CD44: variants seen among roughly 807,000 people sequenced by gnomAD.
CD44 encodes the protein CD44 molecule (IN blood group), also known as CD44 antigen.
A neutral mutation model predicts 88.8 loss-of-function variants in CD44; 49 were observed. That is an observed-to-expected ratio of 0.55 (90% CI 0.44 to 0.70). CD44 has a LOEUF of 0.70. CD44 is among the 30% of genes least tolerant of loss of function. The pLI is 0.00. For synonymous variants in CD44, 325 were observed against 312.3 expected, an observed-to-expected ratio of 1.04 and a Z score of -0.43; for missense variants, 883 against 913.8, an observed-to-expected ratio of 0.97 and a Z score of 0.43.
At chr11:35,171,751 C>G (rs1291282297) in intron 1 of CD44, among the ~76,000 whole-genome samples, 1 of 152,034 alleles carries the variant, frequency 6.6e-6, no homozygotes, top group African/African-American at 2.4e-5. Context: ...ACTGAGGGTC[C>G]TGGGAATTTA....
intron 9 of CD44, 39 bp downstream of exon 9, chr11:35,201,826 A>G: frequency 2.5e-6 from 4 of 1,605,676 alleles, no homozygotes; most frequent in Non-Finnish European, 3.4e-6. Context: ...GGTTAGATGA[A>G]TTAGTAAAGA....
chr11:35,222,674 CAG>C (rs1949402820), intron 17 of CD44: 1 of 891,014 alleles, frequency 1.1e-6, no homozygotes, highest in Non-Finnish European at 1.3e-6. Flanking sequence ...TGACCTTTAA[CAG>C]GGGTATAAAT....
In CD44 at chr11:35,229,542, C is replaced by A; in HGVS notation, c.*209C>A. On this transcript the variant is annotated 3_prime_UTR_variant, in exon 18 of 18. Coordinates refer to ENST00000428726, the MANE Select transcript of CD44 (RefSeq NM_000610.4). ...CAGCATTGCTTTCTGAAATTAGGGC[C>A]CAATTAATAATCAGCAAGAATTTGA... 1.8e-6 allele frequency: 1 copy of A among 544,250 alleles called. No homozygotes were observed. The highest frequency in any genetic ancestry group is 3.3e-6 in the Non-Finnish European group (1 of 305,992). 33.7% of individuals were successfully genotyped at this position (544,250 alleles called of 1,614,324 possible).
chr11:35,202,527 A>C (rs1947413742), intron 9 of CD44, among the ~76,000 whole-genome samples: 1 of 152,204 alleles, frequency 6.6e-6, no homozygotes, highest in African/African-American at 2.4e-5. Context: ...TTGGAATAAA[A>C]GTATTTATTT....
chr11:35,194,548 T>C (rs918282680), intron 5 of CD44, among the ~76,000 whole-genome samples: 1 of 152,208 alleles, frequency 6.6e-6, no homozygotes, highest in African/African-American at 2.4e-5. Flanking sequence ...ACAGGTAAAC[T>C]GCTTTGTCTT....
At chr11:35,182,425 C>T (rs1033765964) in intron 3 of CD44, among the ~76,000 whole-genome samples, 41 of 152,020 alleles carry the variant, frequency 2.7e-4, no homozygotes, top group African/African-American at 8.9e-4. Flanking sequence ...GAGAGACATA[C>T]GAAACAGGAA....
chr11:35,207,669 A>G (rs1948001278), intron 11 of CD44, among the ~76,000 whole-genome samples: 1 of 152,178 alleles, frequency 6.6e-6, no homozygotes, highest in African/African-American at 2.4e-5. Context: ...AAAAAAGACT[A>G]AAGGGGGGAA....
intron 13 of CD44, 25 bp from the exon 14 acceptor site, chr11:35,211,221 C>T: frequency 6.3e-7 from 1 of 1,578,696 alleles, no homozygotes; most frequent in Middle Eastern, 1.7e-4. Context: ...AATACGGGTT[C>T]ATCACTGATT....
At chr11:35,176,984 T>A (rs1208097922) in intron 2 of CD44, 3 of 445,480 alleles carry the variant, frequency 6.7e-6, no homozygotes, top group Non-Finnish European at 1.2e-5. Context: ...TCCTCTCGGC[T>A]GGAATCCTCT....
intron 5 of CD44, among the ~76,000 whole-genome samples, chr11:35,191,890 G>A (rs969006901): frequency 3.3e-5 from 5 of 152,164 alleles, no homozygotes; most frequent in Admixed American, 1.3e-4. Context: ...GCTTGGGATC[G>A]AAGGATAAAC....
At chr11:35,221,538 C>G (rs1949303391) in intron 16 of CD44, 116 bp from the exon 17 acceptor site, 1 of 851,464 alleles carries the variant, frequency 1.2e-6, no homozygotes, top group South Asian at 1.4e-5. Context: ...TGGCCAGACC[C>G]CCCTGCAGCG....
chr11:35,192,290 A>G (rs1240897692), intron 5 of CD44, among the ~76,000 whole-genome samples: 1 of 152,262 alleles, frequency 6.6e-6, no homozygotes, highest in Non-Finnish European at 1.5e-5. Context: ...CACTTCATGC[A>G]AAGAAACATA....
chr11:35,206,676 G>GGGT (rs545657362), intron 11 of CD44, among the ~76,000 whole-genome samples: 1 of 151,664 alleles, frequency 6.6e-6, no homozygotes, highest in Non-Finnish European at 1.5e-5. Flanking sequence ...TGGTGGGGGG[G>GGGT]GCAGTTTTCC....
intron 17 of CD44, among the ~76,000 whole-genome samples, chr11:35,224,594 G>A (rs369146196): frequency 7.9e-5 from 12 of 152,150 alleles, no homozygotes; most frequent in East Asian, 5.8e-4. Flanking sequence ...AAAATTAGCC[G>A]GGCATAGTGG....
chr11:35,183,690 T>C (rs892971201), intron 3 of CD44, among the ~76,000 whole-genome samples: 5 of 152,162 alleles, frequency 3.3e-5, no homozygotes, highest in African/African-American at 7.2e-5. Flanking sequence ...TGAAAAGGCC[T>C]TTGTGATTTT....
chr11:35,165,831 C>T (rs1032924666), intron 1 of CD44, among the ~76,000 whole-genome samples: 2 of 152,054 alleles, frequency 1.3e-5, no homozygotes, highest in East Asian at 1.9e-4. Context: ...TGGGGGCCCC[C>T]GGCTTATCTC....
chr11:35,157,325 A>G (rs35429509), intron 1 of CD44, among the ~76,000 whole-genome samples: 3,683 of 106,662 alleles, frequency 0.035, 58 homozygotes, highest in South Asian at 0.082. Context: ...CTGTCTGTCT[A>G]TCTATCTATC....
At chr11:35,148,041 A>G (rs1859535143) in intron 1 of CD44, among the ~76,000 whole-genome samples, 1 of 152,078 alleles carries the variant, frequency 6.6e-6, no homozygotes, top group African/African-American at 2.4e-5. Flanking sequence ...CAGTGAGCCA[A>G]GATCACGCCA....
intron 14 of CD44, among the ~76,000 whole-genome samples, chr11:35,213,056 T>A (rs1948537946): frequency 6.6e-6 from 1 of 151,964 alleles, no homozygotes. Flanking sequence ...ACTCCTGACC[T>A]CAAGTGATCC....
Sources: gnomAD v4.1 joint callset for allele counts (sites outside exome capture counted in the v4.1 genomes callset) on GRCh38, gnomAD v4.1.1 for gene constraint, MANE v1.5 for transcripts, NCBI Gene and HGNC (gene_info 2026-07-23, HGNC 2026-07-21) for gene names.